Variants in CLVS2 observed in about 807,000 individuals in gnomAD.
CLVS2 encodes the protein clavesin-2.
A neutral mutation model predicts 29.0 loss-of-function variants in CLVS2; 19 were observed. That is an observed-to-expected ratio of 0.66 (90% CI 0.46 to 0.96). CLVS2 has a LOEUF of 0.96. Among genes scored for constraint, CLVS2 ranks in the 40% least tolerant of loss-of-function variants. The pLI, the probability that CLVS2 is intolerant of heterozygous loss-of-function variation, is 0.00. For synonymous variants in CLVS2, 161 were observed against 151.3 expected, an observed-to-expected ratio of 1.06 and a Z score of -0.47; for missense variants, 294 against 404.1, an observed-to-expected ratio of 0.73 and a Z score of 2.34.
chr6:123,013,816 C>G (rs564069248), intron 3 of CLVS2, among the ~76,000 whole-genome samples: 2 of 152,050 alleles, frequency 1.3e-5, no homozygotes, highest in African/African-American at 4.8e-5. Context: ...CCTCCTCCCC[C>G]CACCCCACAA....
At position 123,068,559 on chromosome 6, in the gene CLVS2, A is replaced by G. The variant is rs536846930; in HGVS notation, c.*4798A>G. On this transcript the variant is annotated 3_prime_UTR_variant, in exon 6 of 6. Coordinates refer to ENST00000275162, the MANE Select transcript of CLVS2 (RefSeq NM_001010852.4). ...GTCTTGTTTCTAATCCAATTTTTCA[A>G]TTTTTCAGATTTTATATTTGCTTAA... 5 of 151,846 alleles carry G rather than the reference A, an allele frequency of 3.3e-5. No individual in the cohort carries two copies. Among genetic ancestry groups the G allele is most frequent in the African/African-American group, 1.2e-4 (5 of 41,514 alleles). 9.4% of individuals were successfully genotyped at this position (151,846 alleles called of 1,614,324 possible).
At chr6:123,019,386 A>C (rs1381538481) in intron 3 of CLVS2, among the ~76,000 whole-genome samples, 1 of 152,092 alleles carries the variant, frequency 6.6e-6, no homozygotes, top group East Asian at 1.9e-4. Flanking sequence ...GTTTCGAGGA[A>C]CTTTAATTCC....
chr6:123,064,136 A>G lies in CLVS2; in HGVS notation c.*375A>G, dbSNP rs1322059028. 1 of 160,276 alleles carries G rather than the reference A, an allele frequency of 6.2e-6. No homozygotes were observed. Among genetic ancestry groups the G allele is most frequent in the African/African-American group, 2.4e-5 (1 of 41,610 alleles). The allele number at this position is 160,276 out of a possible 1,614,324, so 9.9% of individuals were successfully genotyped here. A position where few individuals can be genotyped will look rare whatever the true frequency, so the allele number is the denominator to read the frequency against. ...CTAATTAAATGTAGCCCTCTTTCCT[A>G]TGAAGCCATATTTCAGCTCTCATAG... On this transcript the variant is annotated 3_prime_UTR_variant, in exon 6 of 6. Transcript: ENST00000275162.
intron 5 of CLVS2, among the ~76,000 whole-genome samples, chr6:123,059,984 T>C (rs1205488102): frequency 6.6e-6 from 1 of 152,224 alleles, no homozygotes; most frequent in East Asian, 1.9e-4. Flanking sequence ...TATGATTCTA[T>C]GGAAAACTGA....
At chr6:123,019,712 A>G (rs775656576) in intron 3 of CLVS2, among the ~76,000 whole-genome samples, 2 of 152,060 alleles carry the variant, frequency 1.3e-5, no homozygotes, top group Admixed American at 6.6e-5. Context: ...TCTCCAAAGA[A>G]ATAGAACAAA....
At chr6:123,030,818 AAT>A (rs34549391) in intron 3 of CLVS2, among the ~76,000 whole-genome samples, 5 of 137,572 alleles carry the variant, frequency 3.6e-5, no homozygotes, top group Admixed American at 7.3e-5. Flanking sequence ...TAGTAAGGAG[AAT>A]ATATATATAT....
rs1772964938 is a variant in CLVS2, at chr6:123,072,548, A to C, written c.*8787A>C. The C allele has an allele frequency of 6.6e-6, 1 of 152,120 alleles. No homozygotes were observed. Among genetic ancestry groups the C allele is most frequent in the South Asian group, 2.1e-4 (1 of 4,830 alleles). 9.4% of individuals were successfully genotyped at this position (152,120 alleles called of 1,614,324 possible). A position where few individuals can be genotyped will look rare whatever the true frequency, so the allele number is the denominator to read the frequency against. ...ATATTTGATCCTTGATAGTCTGTAC[A>C]GTGGAAACCATTTCCCTCTGTGATA... On this transcript the variant is annotated 3_prime_UTR_variant, in exon 6 of 6. Transcript: ENST00000275162.
chr6:123,004,050 A>G (rs976627818), intron 2 of CLVS2, among the ~76,000 whole-genome samples: 1 of 152,192 alleles, frequency 6.6e-6, no homozygotes, highest in Non-Finnish European at 1.5e-5. Flanking sequence ...AGATAATTCC[A>G]TCTATGGTTT....
chr6:123,057,214 TAC>T (rs1464581322), intron 5 of CLVS2, among the ~76,000 whole-genome samples: 2 of 152,108 alleles, frequency 1.3e-5, no homozygotes, highest in African/African-American at 4.8e-5. Context: ...TCAGGGAGGA[TAC>T]AAGGACAATG....
intron 3 of CLVS2, among the ~76,000 whole-genome samples, chr6:123,035,644 A>T (rs765204923): frequency 1.3e-5 from 2 of 152,110 alleles, no homozygotes. Context: ...TGGCAGTCAG[A>T]TTCTCATGTT....
rs774208656 is a variant in CLVS2, at chr6:123,072,523, A to G, written c.*8762A>G. The G allele has an allele frequency of 6.6e-6, 1 of 152,086 alleles. No individual in the cohort carries two copies. Among genetic ancestry groups the G allele is most frequent in the African/African-American group, 2.4e-5 (1 of 41,448 alleles). 9.4% of individuals were successfully genotyped at this position (152,086 alleles called of 1,614,324 possible). ...AGGCAGAATTTCCTTATGTTTCTTA[A>G]TATTTGATCCTTGATAGTCTGTACA... On this transcript the variant is annotated 3_prime_UTR_variant, in exon 6 of 6. Coordinates refer to ENST00000275162, the MANE Select transcript of CLVS2 (RefSeq NM_001010852.4).
chr6:123,061,441 C>G lies in CLVS2; in HGVS notation c.897-2233C>G, dbSNP rs184830074. Among the ~76,000 whole-genome samples, 394 of 151,980 alleles carry G rather than the reference C, an allele frequency of 2.6e-3. 1 individual carries two copies. The highest frequency in any genetic ancestry group is 8.7e-3 in the African/African-American group (361 of 41,454). ...TAATCCTGTTCTGTCATAAAAGAGACTAAAAAAAAATTGGACTAAAATAAC... is the reference window on the plus strand; with the variant it reads ...TAATCCTGTTCTGTCATAAAAGAGAGTAAAAAAAAATTGGACTAAAATAAC... On this transcript the variant is annotated intron_variant, in intron 5 of 5. Transcript: ENST00000275162.
intron 4 of CLVS2, among the ~76,000 whole-genome samples, chr6:123,052,481 C>A (rs1042513963): frequency 6.6e-6 from 1 of 152,180 alleles, no homozygotes; most frequent in African/African-American, 2.4e-5. Context: ...TATATTTTGA[C>A]ATGGTCATTC....
At chr6:123,021,214 C>T (rs1774915607) in intron 3 of CLVS2, among the ~76,000 whole-genome samples, 1 of 151,670 alleles carries the variant, frequency 6.6e-6, no homozygotes, top group African/African-American at 2.4e-5. Flanking sequence ...TCCATTATTT[C>T]TGATGAGAAC....
At chr6:123,009,188 C>T (rs968475975) in intron 2 of CLVS2, among the ~76,000 whole-genome samples, 6 of 151,894 alleles carry the variant, frequency 4.0e-5, no homozygotes, top group African/African-American at 1.2e-4. Flanking sequence ...GCCCTCAGTC[C>T]TCCCCCAAAC....
intron 3 of CLVS2, among the ~76,000 whole-genome samples, chr6:123,012,729 T>C (rs1395417426): frequency 1.3e-5 from 2 of 151,948 alleles, no homozygotes; most frequent in Admixed American, 1.3e-4. Context: ...GTGAAGGAAA[T>C]AATCCCATTC....
At chr6:123,019,201 G>C (rs1490804299) in intron 3 of CLVS2, among the ~76,000 whole-genome samples, 1 of 152,006 alleles carries the variant, frequency 6.6e-6, no homozygotes, top group African/African-American at 2.4e-5. Flanking sequence ...AATCATGACA[G>C]GGGAGGCTGA....
chr6:123,012,988 A>G (rs917767932), intron 3 of CLVS2, among the ~76,000 whole-genome samples: 6 of 151,996 alleles, frequency 3.9e-5, no homozygotes, highest in Non-Finnish European at 8.8e-5. Flanking sequence ...ATATAATTAC[A>G]TCTATACCTA....
intron 5 of CLVS2, among the ~76,000 whole-genome samples, chr6:123,061,516 A>G (rs1240752677): frequency 6.6e-6 from 1 of 152,162 alleles, no homozygotes; most frequent in African/African-American, 2.4e-5. Flanking sequence ...TTAATCACAA[A>G]TTGTTTCTGA....
Sources: gnomAD v4.1 joint callset for allele counts (sites outside exome capture counted in the v4.1 genomes callset) on GRCh38, gnomAD v4.1.1 for gene constraint, MANE v1.5 for transcripts, NCBI Gene and HGNC (gene_info 2026-07-23, HGNC 2026-07-21) for gene names.